PTN: variants seen among roughly 807,000 people sequenced by gnomAD.
The protein encoded by PTN is pleiotrophin.
Under a neutral mutation model 24.1 loss-of-function variants are expected in PTN, and 18 were observed. The ratio of observed to expected loss-of-function variants is 0.75; its 90% confidence interval spans 0.52 to 1.11. PTN has a LOEUF of 1.11. Ranked by LOEUF, PTN falls within the 50% of genes least tolerant of loss-of-function variation. The pLI is 0.00. For missense variants in PTN, 163 were observed against 198.8 expected (o/e 0.82, Z 1.08); for synonymous variants, 78 against 68.6 (o/e 1.14, Z -0.67).
At chr7:137,289,653 G>C (rs565500412) in intron 1 of PTN, among the ~76,000 whole-genome samples, 30 of 152,154 alleles carry the variant, frequency 2.0e-4, no homozygotes, top group African/African-American at 7.2e-4. Context: ...GAGGGATCAC[G>C]TGGCAAGGAT....
At chr7:137,342,746 A>C (rs1437096790) in intron 1 of PTN, among the ~76,000 whole-genome samples, 2 of 152,206 alleles carry the variant, frequency 1.3e-5, no homozygotes, top group Non-Finnish European at 2.9e-5. Flanking sequence ...ATGTGGGTCA[A>C]ATTAAAAGTT....
chr7:137,239,901 TGGGAA>T, intron 4 of PTN, among the ~76,000 whole-genome samples: 1 of 152,146 alleles, frequency 6.6e-6, no homozygotes. Flanking sequence ...ACTTAATATT[TGGGAA>T]GGGAAGTCTG....
intron 1 of PTN, among the ~76,000 whole-genome samples, chr7:137,320,890 G>T (rs1037821189): frequency 1.3e-5 from 2 of 152,132 alleles, no homozygotes; most frequent in African/African-American, 2.4e-5. Context: ...TGATATGGTG[G>T]TTATTCATCT....
chr7:137,307,977 A>C (rs892087596), intron 1 of PTN, among the ~76,000 whole-genome samples: 6 of 152,152 alleles, frequency 3.9e-5, no homozygotes, highest in Admixed American at 1.3e-4. Context: ...AAACAGCTTC[A>C]TCTGTTCATG....
chr7:137,244,004 CTT>C, intron 4 of PTN, among the ~76,000 whole-genome samples: 1 of 152,258 alleles, frequency 6.6e-6, no homozygotes, highest in East Asian at 1.9e-4. Flanking sequence ...GAATAGACCT[CTT>C]TTGCTTAACG....
intron 1 of PTN, among the ~76,000 whole-genome samples, chr7:137,312,707 T>G (rs775509093): frequency 6.6e-6 from 1 of 152,068 alleles, no homozygotes; most frequent in Non-Finnish European, 1.5e-5. Context: ...GGCTAGAAAA[T>G]GCCAATTTTT....
At chr7:137,332,584 C>G (rs933001540) in intron 1 of PTN, among the ~76,000 whole-genome samples, 1 of 152,140 alleles carries the variant, frequency 6.6e-6, no homozygotes, top group East Asian at 1.9e-4. Flanking sequence ...AGCATAGACA[C>G]CGGTTAAAAA....
chr7:137,312,034 T>C (rs1010967824), intron 1 of PTN, among the ~76,000 whole-genome samples: 4 of 152,172 alleles, frequency 2.6e-5, no homozygotes, highest in Non-Finnish European at 4.4e-5. Flanking sequence ...CAATGGACCA[T>C]GTCATACAAA....
intron 1 of PTN, among the ~76,000 whole-genome samples, chr7:137,319,057 C>T (rs1241740334): frequency 1.3e-5 from 2 of 152,136 alleles, no homozygotes; most frequent in African/African-American, 4.8e-5. Context: ...CCACTCTCTA[C>T]TTTTTGTCCG....
rs1045910438 is a variant in PTN, at chr7:137,335,979, G to A, written c.-2+7460C>T. On this transcript the variant is annotated intron_variant, in intron 1 of 4. Coordinates refer to ENST00000348225, the MANE Select transcript of PTN (RefSeq NM_002825.7). ...TCATTTCTTTTTCTTCATTCCTGTC[G>A]CACATCTTACCTCCTCCTCACTTTG... Among the ~76,000 whole-genome samples, 10 of 141,464 alleles carry A rather than the reference G, an allele frequency of 7.1e-5. No homozygotes were observed. The South Asian group carries it at 1.8e-3, about 25-fold the overall frequency. The allele number at this position is 141,464 out of a possible 152,430, so 92.8% of individuals were successfully genotyped here.
intron 1 of PTN, among the ~76,000 whole-genome samples, chr7:137,323,024 A>T (rs1810190761): frequency 6.6e-6 from 1 of 151,852 alleles, no homozygotes; most frequent in Non-Finnish European, 1.5e-5. Flanking sequence ...TACTTCTGTA[A>T]CTCCACTTAT....
intron 1 of PTN, among the ~76,000 whole-genome samples, chr7:137,280,191 ACT>A (rs1809444286): frequency 6.6e-6 from 1 of 152,066 alleles, no homozygotes; most frequent in South Asian, 2.1e-4. Flanking sequence ...ACATTCTTTT[ACT>A]CTCTCTACTT....
intron 1 of PTN, among the ~76,000 whole-genome samples, chr7:137,311,115 C>T (rs1809973982): frequency 6.6e-6 from 1 of 151,838 alleles, no homozygotes; most frequent in Non-Finnish European, 1.5e-5. Context: ...ACCTGTAACC[C>T]CAACTACTTG....
intron 4 of PTN, among the ~76,000 whole-genome samples, chr7:137,232,318 G>A (rs1808440912): frequency 6.6e-6 from 1 of 151,924 alleles, no homozygotes; most frequent in African/African-American, 2.4e-5. Context: ...AGTGCCCTGG[G>A]TAGATTTTAA....
chr7:137,246,912 C>A (rs529552181), intron 4 of PTN, among the ~76,000 whole-genome samples: 1 of 152,312 alleles, frequency 6.6e-6, no homozygotes, highest in Non-Finnish European at 1.5e-5. Context: ...CCTAACATTT[C>A]TGAGCCTATG....
chr7:137,308,068 C>T (rs926144002), intron 1 of PTN, among the ~76,000 whole-genome samples: 4 of 152,138 alleles, frequency 2.6e-5, no homozygotes, highest in African/African-American at 9.7e-5. Context: ...CTGAGAGGCA[C>T]ACCTATTTCC....
intron 1 of PTN, among the ~76,000 whole-genome samples, chr7:137,279,159 T>A (rs535069948): frequency 1.2e-4 from 19 of 152,062 alleles, no homozygotes; most frequent in East Asian, 5.8e-4. Context: ...AAAATCTTTT[T>A]AAAATATTAT....
At chr7:137,331,259 G>A (rs988424937) in intron 1 of PTN, among the ~76,000 whole-genome samples, 9 of 152,140 alleles carry the variant, frequency 5.9e-5, no homozygotes, top group Non-Finnish European at 1.0e-4. Context: ...TATTCCTGCT[G>A]AACTGCTTCT....
chr7:137,243,984 T>C lies in PTN; in HGVS notation c.451+7246A>G, dbSNP rs896889959. Reference sequence around the variant, plus strand: ...CCTCCCGGAGATTCTTTGAACTATATAATACCCTTGAATAGACCTCTTTTG... The same window carrying C: ...CCTCCCGGAGATTCTTTGAACTATACAATACCCTTGAATAGACCTCTTTTG... On this transcript the variant is annotated intron_variant, in intron 4 of 4. Coordinates refer to ENST00000348225, the MANE Select transcript of PTN (RefSeq NM_002825.7). 8.5e-5 allele frequency among the ~76,000 whole-genome samples: 13 copies of C among 152,292 alleles called. No homozygotes were observed. In the East Asian group the frequency reaches 2.5e-3, roughly 29 times the overall value.
Sources: gnomAD v4.1 joint callset for allele counts (sites outside exome capture counted in the v4.1 genomes callset) on GRCh38, gnomAD v4.1.1 for gene constraint, MANE v1.5 for transcripts, NCBI Gene and HGNC (gene_info 2026-07-23, HGNC 2026-07-21) for gene names.